Variants in SOS1 observed in about 807,000 individuals in gnomAD.
The protein encoded by SOS1 is SOS Ras/Rac guanine nucleotide exchange factor 1, also known as son of sevenless homolog 1.
In SOS1, 25 loss-of-function variants were observed where a neutral mutation model predicts 157.6. The ratio of observed to expected loss-of-function variants is 0.16; its 90% CI spans 0.12 to 0.22. SOS1 has a LOEUF of 0.22. SOS1 is among the 10% of genes least tolerant of loss of function. The pLI, the probability that SOS1 is intolerant of heterozygous loss-of-function variation, is 1.00. For synonymous variants in SOS1, 528 were observed against 534.0 expected, an observed-to-expected ratio of 0.99 and a Z score of 0.16; for missense variants, 1,237 against 1,599.1, an observed-to-expected ratio of 0.77 and a Z score of 3.86.
chr2:39,063,258 G>A (rs1337763362), intron 2 of SOS1, among the ~76,000 whole-genome samples: 1 of 152,098 alleles, frequency 6.6e-6, no homozygotes, highest in Non-Finnish European at 1.5e-5. Context: ...AAGTAGGTGG[G>A]AGTACAGGCA....
intron 8 of SOS1, among the ~76,000 whole-genome samples, chr2:39,025,408 G>A (rs779746075): frequency 5.3e-5 from 8 of 151,610 alleles, no homozygotes; most frequent in Non-Finnish European, 7.4e-5. Flanking sequence ...AGGGTGCAGC[G>A]GTGCAATCTC....
At chr2:39,044,786 G>T (rs954683082) in intron 6 of SOS1, among the ~76,000 whole-genome samples, 4 of 152,142 alleles carry the variant, frequency 2.6e-5, no homozygotes, top group Non-Finnish European at 5.9e-5. Flanking sequence ...GTGGATTTGG[G>T]TATCTGCAGG....
intron 1 of SOS1, among the ~76,000 whole-genome samples, chr2:39,104,824 T>C (rs151111323): frequency 6.6e-6 from 1 of 152,294 alleles, no homozygotes; most frequent in African/African-American, 2.4e-5. Flanking sequence ...AAAATACAAA[T>C]ATTTTATTAT....
chr2:39,026,034 A>G (rs1271539525), intron 8 of SOS1, among the ~76,000 whole-genome samples: 2 of 152,166 alleles, frequency 1.3e-5, no homozygotes, highest in Non-Finnish European at 2.9e-5. Flanking sequence ...ATTTTTAGGA[A>G]AATTTTCAGT....
chr2:38,987,450 C>A, intron 22 of SOS1, 23 bp downstream of exon 22: 1 of 1,215,150 alleles, frequency 8.2e-7, no homozygotes, highest in Non-Finnish European at 1.2e-6. Flanking sequence ...CCAATTTCTA[C>A]ACAACAAGAT....
rs1450771666 is a variant in SOS1 at position 39,023,332 on chromosome 2, G to C, written c.1203-107C>G. The C allele has an allele frequency of 6.7e-6, 5 of 750,844 alleles. 1 individual carries two copies. In the South Asian group the frequency reaches 9.1e-5, roughly 14 times the overall value. 46.5% of individuals were successfully genotyped at this position (750,844 alleles called of 1,614,324 possible). ...AGATTTTTACAAGTCTCACTGAGAA[G>C]GTATTCACTAATTCCCCAAATAGAT... is the stretch of plus-strand genomic sequence containing the variant. On this transcript the variant is annotated intron_variant, in intron 9 of 22. Transcript: ENST00000402219.
intron 6 of SOS1, among the ~76,000 whole-genome samples, chr2:39,044,981 C>T (rs2124583282): frequency 6.6e-6 from 1 of 152,224 alleles, no homozygotes; most frequent in South Asian, 2.1e-4. Flanking sequence ...GGTATATTTG[C>T]ATATAACCTT....
intron 17 of SOS1, among the ~76,000 whole-genome samples, chr2:39,000,237 A>G (rs2124485402): frequency 6.6e-6 from 1 of 152,352 alleles, no homozygotes; most frequent in Admixed American, 6.5e-5. Flanking sequence ...ACTGATGGCT[A>G]GCTAAAAGAA....
At chr2:39,083,140 T>C (rs1216019126) in intron 1 of SOS1, among the ~76,000 whole-genome samples, 2 of 152,252 alleles carry the variant, frequency 1.3e-5, no homozygotes, top group African/African-American at 4.8e-5. Context: ...CTGAATGCTT[T>C]TTCCCCTTGG....
chr2:39,112,092 G>C (rs183294656), intron 1 of SOS1, among the ~76,000 whole-genome samples: 3 of 152,006 alleles, frequency 2.0e-5, no homozygotes, highest in African/African-American at 4.8e-5. Context: ...CCAAGATTTT[G>C]AATCCATGGA....
rs138317678 is a variant in SOS1 at position 39,017,489 on chromosome 2, G to C, written c.1859-2643C>G. 2.9e-3 allele frequency among the ~76,000 whole-genome samples: 445 copies of C among 152,122 alleles called. 3 individuals carry two copies. The highest frequency in any genetic ancestry group is 9.8e-3 in the African/African-American group (407 of 41,530). ...GCTGTACCTTCCTGTATGCTGTACA[G>C]GGTTTCTGCAGCTGGCAGTGAAATA... is the stretch of plus-strand genomic sequence containing the variant. On this transcript the variant is annotated intron_variant, in intron 10 of 22. Coordinates refer to ENST00000402219, the MANE Select transcript of SOS1 (RefSeq NM_005633.4).
rs544354736 is a variant in SOS1, at chr2:39,022,224, A to C, written c.1858+346T>G. Among the ~76,000 whole-genome samples the C allele has an allele frequency of 1.3e-4, 19 of 151,972 alleles. 1 individual carries two copies. The highest frequency in any genetic ancestry group is 3.9e-4 in the East Asian group (2 of 5,188). On this transcript the variant is annotated intron_variant, in intron 10 of 22. Transcript: ENST00000402219. ...TATTTATAATCTCAGAAATGGAAAA[A>C]GAAGAAAGAAAAAAAAGATAAAGGA...
intron 19 of SOS1, among the ~76,000 whole-genome samples, chr2:38,996,040 G>A (rs1394033529): frequency 6.6e-6 from 1 of 151,828 alleles, no homozygotes; most frequent in Non-Finnish European, 1.5e-5. Context: ...GACATTATGT[G>A]ATTTATCTTG....
chr2:39,007,150 C>A lies in SOS1; in HGVS notation c.2554G>T (p.Val852Leu), dbSNP rs1429582356. The A allele has an allele frequency of 1.9e-6, 3 of 1,605,452 alleles. No individual in the cohort carries two copies. The Admixed American group carries it at 5.0e-5, about 27-fold the overall frequency. Reference protein sequence around the residue: ...TENLEERVAVVSRIIEILQVF... With the variant: ...TENLEERVAVLSRIIEILQVF... ...TGTAGAATCTCAATAATTCGACTCA[C>A]CACAGCTACTCTTTCTTCTAAATTT... The change falls in exon 16 of 23, where the codon GTG becomes TTG. Residue 852 changes from valine (V) to leucine (L), a missense_variant. Val to Leu is a conservative substitution (Grantham distance 32). This residue lies in a region of SOS1 where 105 missense variants were observed against 236.0 expected (regional missense o/e 0.44). Transcript: ENST00000402219.
chr2:39,063,118 T>C lies in SOS1; in HGVS notation c.214-4314A>G, dbSNP rs545935229. On this transcript the variant is annotated intron_variant, in intron 2 of 22. Transcript: ENST00000402219. ...AAATACAATGTAATAACTATTTACATAGAATTCAATTTTTTTTTTTAAGAG... is the reference window on the plus strand; with the variant it reads ...AAATACAATGTAATAACTATTTACACAGAATTCAATTTTTTTTTTTAAGAG... Among the ~76,000 whole-genome samples, 8 of 151,974 alleles carry C rather than the reference T, an allele frequency of 5.3e-5. No homozygotes were observed. The East Asian group carries it at 1.2e-3, about 22-fold the overall frequency.
intron 1 of SOS1, chr2:39,082,664 T>C (rs991146682): frequency 6.6e-6 from 1 of 152,182 alleles, no homozygotes; most frequent in African/African-American, 2.4e-5. Context: ...AAGGATGACA[T>C]GTATATTTGT....
chr2:38,983,780 G>T lies in SOS1; in HGVS notation c.*2044C>A, dbSNP rs1445522300. On this transcript the variant is annotated 3_prime_UTR_variant, in exon 23 of 23. Coordinates refer to ENST00000402219, the MANE Select transcript of SOS1 (RefSeq NM_005633.4). Reference sequence around the variant, plus strand: ...GGACTGTCTATCATGATTAGTTGTAGCGGCTCTAGTAAGTTGGCTCACATA... The same window carrying T: ...GGACTGTCTATCATGATTAGTTGTATCGGCTCTAGTAAGTTGGCTCACATA... 2.0e-5 allele frequency: 3 copies of T among 152,150 alleles called. No individual in the cohort carries two copies. Among genetic ancestry groups the T allele is most frequent in the Non-Finnish European group, 4.4e-5 (3 of 68,018 alleles). The allele number at this position is 152,150 out of a possible 1,614,324, so 9.4% of individuals were successfully genotyped here. A position where few individuals can be genotyped will look rare whatever the true frequency, so the allele number is the denominator to read the frequency against.
intron 6 of SOS1, among the ~76,000 whole-genome samples, chr2:39,050,363 T>A (rs1318395288): frequency 6.6e-6 from 1 of 152,218 alleles, no homozygotes; most frequent in Non-Finnish European, 1.5e-5. Context: ...TGGACCTTAT[T>A]GTCCTATTTA....
chr2:39,006,475 C>G lies in SOS1; in HGVS notation c.2728G>C (p.Asp910His), dbSNP rs369277679. 1.5e-5 allele frequency: 24 copies of G among 1,610,182 alleles called. No homozygotes were observed. The highest frequency in any genetic ancestry group is 3.3e-4 in the Middle Eastern group (2 of 6,054). ...ILEEAHELSE[D>H]HYKKYLAKLR... is the part of the protein sequence containing the mutation. ...TTTGCCAAATATTTCTTATAGTGAT[C>G]TTCACTCAATTCATGAGCTTCTTCT... Residue 910 changes from aspartate to histidine, a missense_variant, in exon 17 of 23, where the codon GAT becomes CAT. This residue lies in a region of SOS1 where 105 missense variants were observed against 236.0 expected (regional missense o/e 0.44). Coordinates refer to ENST00000402219, the MANE Select transcript of SOS1 (RefSeq NM_005633.4).
Sources: gnomAD v4.1 joint callset for allele counts (sites outside exome capture counted in the v4.1 genomes callset) on GRCh38, gnomAD v4.1.1 for gene constraint, gnomAD v4.1.1 regional missense constraint, MANE v1.5 for transcripts, NCBI Gene and HGNC (gene_info 2026-07-23, HGNC 2026-07-21) for gene names.